ROBO1: variants seen among roughly 807,000 people sequenced by gnomAD.
ROBO1 encodes the protein roundabout guidance receptor 1.
A neutral mutation model predicts 195.9 loss-of-function variants in ROBO1; 149 were observed. The ratio of observed to expected loss-of-function variants is 0.76; its 90% CI spans 0.67 to 0.87. ROBO1 has a LOEUF of 0.87. Ranked by LOEUF, ROBO1 falls within the 40% of genes least tolerant of loss-of-function variation. The pLI, the probability that ROBO1 is intolerant of heterozygous loss-of-function variation, is 0.00. For synonymous variants in ROBO1, 816 were observed against 733.2 expected (o/e 1.11, Z -1.82); for missense variants, 1,933 against 2,068.3 (o/e 0.93, Z 1.27).
chr3:79,669,065 C>G (rs1174454534), intron 1 of ROBO1, among the ~76,000 whole-genome samples: 1 of 151,834 alleles, frequency 6.6e-6, no homozygotes, highest in African/African-American at 2.4e-5. Flanking sequence ...CTCTGAGTCC[C>G]TACCCAAATC....
At chr3:78,836,703 A>G (rs1399497281) in intron 4 of ROBO1, among the ~76,000 whole-genome samples, 1 of 152,120 alleles carries the variant, frequency 6.6e-6, no homozygotes, top group Non-Finnish European at 1.5e-5. Flanking sequence ...ACTGACCTGT[A>G]TGATAATAAA....
intron 1 of ROBO1, among the ~76,000 whole-genome samples, chr3:79,693,455 G>A (rs989229092): frequency 6.7e-6 from 1 of 150,214 alleles, no homozygotes; most frequent in African/African-American, 2.5e-5. Flanking sequence ...TTTGACACAG[G>A]GTCTTGGATC....
chr3:78,846,043 A>AT (rs143307617), intron 4 of ROBO1, among the ~76,000 whole-genome samples: 18 of 150,456 alleles, frequency 1.2e-4, no homozygotes, highest in South Asian at 8.4e-4. Flanking sequence ...AGCCCCAAAG[A>AT]TTTTTTTTTT....
At chr3:79,342,592 T>C (rs2034951944) in intron 2 of ROBO1, among the ~76,000 whole-genome samples, 1 of 152,162 alleles carries the variant, frequency 6.6e-6, no homozygotes, top group African/African-American at 2.4e-5. Context: ...TGTTTTAACA[T>C]AGAAGTTTGA....
At chr3:79,685,731 T>C (rs1487535610) in intron 1 of ROBO1, among the ~76,000 whole-genome samples, 1 of 152,048 alleles carries the variant, frequency 6.6e-6, no homozygotes, top group African/African-American at 2.4e-5. Flanking sequence ...TAAAGAGGGA[T>C]GGAAATAAGG....
rs143951224 is a variant in ROBO1, at chr3:79,600,372, T to C, written c.-50-10411A>G. ...GGTTTGGTCGAAGAGAAGTTAAACATGAAGCTGGTCTGTCTTGACACATGT... is the reference window on the plus strand; with the variant it reads ...GGTTTGGTCGAAGAGAAGTTAAACACGAAGCTGGTCTGTCTTGACACATGT... On this transcript the variant is annotated intron_variant, in intron 1 of 30. Coordinates refer to ENST00000464233, the MANE Select transcript of ROBO1 (RefSeq NM_002941.4). 7.2e-5 allele frequency among the ~76,000 whole-genome samples: 11 copies of C among 152,102 alleles called. No homozygotes were observed. The East Asian group carries it at 2.1e-3, about 30-fold the overall frequency.
intron 4 of ROBO1, among the ~76,000 whole-genome samples, chr3:78,754,884 C>T (rs416025): frequency 0.7 from 106,102 of 151,854 alleles, 37,373 homozygotes; most frequent in Middle Eastern, 0.79. Context: ...AACTTATCCT[C>T]GGGAAGTGCA....
chr3:78,797,792 A>T (rs2084230201), intron 4 of ROBO1, among the ~76,000 whole-genome samples: 1 of 152,166 alleles, frequency 6.6e-6, no homozygotes, highest in South Asian at 2.1e-4. Context: ...ATAGCTTAGA[A>T]ATATGGTAAT....
chr3:79,613,173 C>T (rs991901644), intron 1 of ROBO1, among the ~76,000 whole-genome samples: 3 of 151,830 alleles, frequency 2.0e-5, no homozygotes, highest in African/African-American at 7.2e-5. Context: ...GGAGGAGGAA[C>T]AAATAGTTTT....
chr3:79,594,633 T>C (rs73849637), intron 1 of ROBO1, among the ~76,000 whole-genome samples: 2 of 151,998 alleles, frequency 1.3e-5, no homozygotes, highest in East Asian at 3.9e-4. Context: ...GATAATTGTT[T>C]GACTTATATC....
chr3:79,048,086 A>C (rs932370877), intron 3 of ROBO1, among the ~76,000 whole-genome samples: 3 of 152,064 alleles, frequency 2.0e-5, no homozygotes, highest in African/African-American at 7.2e-5. Flanking sequence ...TCTTTTCTTA[A>C]CCATATATGG....
At chr3:79,376,999 T>A (rs1176413166) in intron 2 of ROBO1, among the ~76,000 whole-genome samples, 1 of 152,094 alleles carries the variant, frequency 6.6e-6, no homozygotes, top group Non-Finnish European at 1.5e-5. Context: ...AATAAAAATA[T>A]ATAATTAGAT....
chr3:79,412,169 AAAGCAGGTAT>A (rs1423204478), intron 2 of ROBO1, among the ~76,000 whole-genome samples: 1 of 152,156 alleles, frequency 6.6e-6, no homozygotes, highest in Non-Finnish European at 1.5e-5. Context: ...AAATTTTTAA[AAAGCAGGTAT>A]ATTCTCAACA....
chr3:79,579,412 C>T (rs1275442733), intron 2 of ROBO1, among the ~76,000 whole-genome samples: 1 of 152,120 alleles, frequency 6.6e-6, no homozygotes, highest in African/African-American at 2.4e-5. Flanking sequence ...GGAAGACACC[C>T]TTAGGTAGAA....
intron 2 of ROBO1, among the ~76,000 whole-genome samples, chr3:79,439,137 T>C (rs1047019996): frequency 1.3e-5 from 2 of 152,106 alleles, no homozygotes; most frequent in Admixed American, 1.3e-4. Flanking sequence ...ATTTCATCAA[T>C]ACTAATTACT....
intron 3 of ROBO1, among the ~76,000 whole-genome samples, chr3:79,104,245 C>T (rs2079733359): frequency 1.3e-5 from 2 of 151,738 alleles, no homozygotes; most frequent in South Asian, 2.1e-4. Flanking sequence ...TGTTACTACA[C>T]AGATTATGTA....
At chr3:78,842,204 ATATT>A (rs1317649202) in intron 4 of ROBO1, among the ~76,000 whole-genome samples, 1 of 105,880 alleles carries the variant, frequency 9.4e-6, no homozygotes. Context: ...AGCCATATAT[ATATT>A]TATATATATG....
chr3:79,631,630 C>T (rs1945344567), intron 1 of ROBO1, among the ~76,000 whole-genome samples: 1 of 151,918 alleles, frequency 6.6e-6, no homozygotes, highest in African/African-American at 2.4e-5. Context: ...CAAAATAAGA[C>T]AAGTGGTACT....
intron 1 of ROBO1, among the ~76,000 whole-genome samples, chr3:79,701,324 T>C (rs930880829): frequency 4.0e-5 from 6 of 151,708 alleles, no homozygotes; most frequent in African/African-American, 1.4e-4. Context: ...TTTTGGTTCC[T>C]TATGAATTTT....
Sources: allele counts gnomAD v4.1 joint callset (sites outside exome capture counted in the v4.1 genomes callset), GRCh38; gene constraint gnomAD v4.1.1; transcripts MANE v1.5; gene names NCBI Gene and HGNC (gene_info 2026-07-23, HGNC 2026-07-21).